DNAH9: variants seen among roughly 807,000 people sequenced by gnomAD.
DNAH9 encodes the protein DNAH9 variant protein.
DNAH9 carries 345 observed loss-of-function variants against 471.6 expected under a neutral mutation model. The ratio of observed to expected loss-of-function variants is 0.73; its 90% CI spans 0.67 to 0.80. The LOEUF (loss-of-function observed/expected upper bound fraction) is 0.80. Among genes scored for constraint, DNAH9 ranks in the 30% least tolerant of loss-of-function variants. The pLI is 0.00. For missense variants in DNAH9, 5,407 were observed against 5,609.2 expected (o/e 0.96, Z 1.15); for synonymous variants, 2,093 against 2,123.6 (o/e 0.99, Z 0.40).
rs770743103 is a variant in DNAH9 at position 11,756,742 on chromosome 17, G to A, written c.6847+66G>A. Reference sequence around the variant, plus strand: ...TAGGGAGGTACCTCTGGCTTCACACGTAGTTTTGCTGGCTCAGAAGGAATC... The same window carrying A: ...TAGGGAGGTACCTCTGGCTTCACACATAGTTTTGCTGGCTCAGAAGGAATC... On this transcript the variant is annotated intron_variant, in intron 34 of 68. Coordinates refer to ENST00000262442, the MANE Select transcript of DNAH9 (RefSeq NM_001372.4). 407 of 1,023,694 alleles carry A rather than the reference G, an allele frequency of 4.0e-4. 2 individuals are homozygous for A. The highest frequency in any genetic ancestry group is 6.2e-4 in the Middle Eastern group (3 of 4,872). 63.4% of individuals were successfully genotyped at this position (1,023,694 alleles called of 1,614,324 possible).
Position 11,962,261 on chromosome 17 carries a change from A to T in DNAH9, c.13233+5A>T, listed in dbSNP as rs373354130. The T allele has an allele frequency of 1.5e-5, 23 of 1,584,414 alleles. No homozygotes were observed. The African/African-American group carries it at 1.9e-4, about 13-fold the overall frequency. On this transcript the variant is annotated splice_donor_5th_base_variant and intron_variant, in intron 68 of 68. Coordinates refer to ENST00000262442, the MANE Select transcript of DNAH9 (RefSeq NM_001372.4). The surrounding 1 kb of genome is among the most constrained non-coding windows in gnomAD (Gnocchi z 4.1). ...GGTGCCTGCTGGGACACACAGGTAA[A>T]GCTTGGAATGAACCAAAGGGCAGCT...
At chr17:11,632,878 G>A (rs117668287) in intron 8 of DNAH9, among the ~76,000 whole-genome samples, 175 bp downstream of exon 8, 1 of 152,168 alleles carries the variant, frequency 6.6e-6, no homozygotes, top group Non-Finnish European at 1.5e-5. Flanking sequence ...TGCAGAATTG[G>A]GATTCTCAGG....
intron 50 of DNAH9, among the ~76,000 whole-genome samples, chr17:11,867,107 C>T (rs1375151913): frequency 6.6e-6 from 1 of 152,254 alleles, no homozygotes; most frequent in Non-Finnish European, 1.5e-5. Context: ...CACCCGTCTT[C>T]TGCGTCGCTA....
At chr17:11,692,936 C>T (rs964879171) in intron 20 of DNAH9, among the ~76,000 whole-genome samples, 1 of 152,074 alleles carries the variant, frequency 6.6e-6, no homozygotes. Context: ...GATGGAGTCT[C>T]GCTTTGTCAC....
chr17:11,698,389 ATT>A (rs1365435882), intron 22 of DNAH9, among the ~76,000 whole-genome samples: 1 of 54,322 alleles, frequency 1.8e-5, no homozygotes, highest in Non-Finnish European at 4.4e-5. Context: ...TACATTATAT[ATT>A]TTATATATAT....
chr17:11,828,182 A>G (rs191346530), intron 48 of DNAH9, among the ~76,000 whole-genome samples: 2 of 152,258 alleles, frequency 1.3e-5, no homozygotes, highest in Admixed American at 1.3e-4. Flanking sequence ...AATTTAGAAC[A>G]TAAATCAGAG....
At chr17:11,707,202 T>G (rs1405690576) in intron 26 of DNAH9, among the ~76,000 whole-genome samples, 1 of 152,178 alleles carries the variant, frequency 6.6e-6, no homozygotes, top group Non-Finnish European at 1.5e-5. Flanking sequence ...AAAGGAATTG[T>G]ATGTCTGAAT....
intron 67 of DNAH9, among the ~76,000 whole-genome samples, chr17:11,945,684 T>C (rs192859515): frequency 7.2e-5 from 11 of 152,146 alleles, no homozygotes; most frequent in Admixed American, 3.3e-4. Context: ...AAATTACTTA[T>C]TGGGTACAGT....
At chr17:11,775,013 C>A (rs546101700) in intron 38 of DNAH9, among the ~76,000 whole-genome samples, 1 of 152,130 alleles carries the variant, frequency 6.6e-6, no homozygotes, top group Admixed American at 6.5e-5. Flanking sequence ...CTTTGTAATC[C>A]CTTCCTCCCA....
At chr17:11,718,916 G>A (rs918510710) in intron 26 of DNAH9, among the ~76,000 whole-genome samples, 2 of 152,158 alleles carry the variant, frequency 1.3e-5, no homozygotes, top group Non-Finnish European at 2.9e-5. Flanking sequence ...CCATTAGCCA[G>A]GCAAAGATTA....
At chr17:11,826,162 G>C (rs1348610289) in intron 48 of DNAH9, among the ~76,000 whole-genome samples, 1 of 152,114 alleles carries the variant, frequency 6.6e-6, no homozygotes, top group Non-Finnish European at 1.5e-5. Context: ...CCTACTAGGG[G>C]GTGGGTCCTT....
chr17:11,832,487 G>A lies in DNAH9; in HGVS notation c.9247-2151G>A, dbSNP rs528570012. The stretch of plus-strand genomic sequence containing the variant: ...TTTGTCCCTGTAGAAATAACTCTCC[G>A]CAGCTGAACAACAGGAGATGGAAAT... On this transcript the variant is annotated intron_variant, in intron 48 of 68. Coordinates refer to ENST00000262442, the MANE Select transcript of DNAH9 (RefSeq NM_001372.4). 4.9e-4 allele frequency among the ~76,000 whole-genome samples: 75 copies of A among 152,272 alleles called. 1 individual carries two copies. Among genetic ancestry groups the A allele is most frequent in the African/African-American group, 1.7e-3 (71 of 41,544 alleles).
chr17:11,601,363 T>C (rs541070529), intron 1 of DNAH9, among the ~76,000 whole-genome samples: 10 of 28,298 alleles, frequency 3.5e-4, no homozygotes, highest in South Asian at 2.7e-3. Context: ...GAAGGGAGGG[T>C]GGGAGGGAGA....
intron 14 of DNAH9, among the ~76,000 whole-genome samples, chr17:11,662,235 T>C (rs2073780127): frequency 6.6e-6 from 1 of 152,304 alleles, no homozygotes; most frequent in South Asian, 2.1e-4. Context: ...TACTAGATTC[T>C]TTTTTAATCT....
chr17:11,643,392 G>A (rs964600490), intron 10 of DNAH9, among the ~76,000 whole-genome samples: 1 of 152,134 alleles, frequency 6.6e-6, no homozygotes, highest in South Asian at 2.1e-4. Flanking sequence ...TTCGGATCGC[G>A]TGTTCTAGAT....
At chr17:11,963,923 C>T (rs556851707) in intron 68 of DNAH9, among the ~76,000 whole-genome samples, 12 of 152,152 alleles carry the variant, frequency 7.9e-5, no homozygotes, top group Admixed American at 2.0e-4. Context: ...ATCTACAAGC[C>T]GAGGAATTCC....
chr17:11,705,910 A>G (rs1314103188), intron 26 of DNAH9, among the ~76,000 whole-genome samples: 1 of 152,166 alleles, frequency 6.6e-6, no homozygotes, highest in South Asian at 2.1e-4. Context: ...TTTACAAAAC[A>G]CAAAGAAGTA....
At chr17:11,678,095 G>A (rs59017685) in intron 17 of DNAH9, among the ~76,000 whole-genome samples, 2,050 of 151,294 alleles carry the variant, frequency 0.014, 44 homozygotes, top group African/African-American at 0.047. Context: ...TCGCTCTGTC[G>A]CCCAGGCTGG....
chr17:11,810,385 C>T lies in DNAH9; in HGVS notation c.8707+16C>T, dbSNP rs1969851264. The T allele has an allele frequency of 6.2e-7, 1 of 1,604,086 alleles. No homozygotes were observed. The highest frequency in any genetic ancestry group is 8.5e-7 in the Non-Finnish European group (1 of 1,176,330). On this transcript the variant is annotated intron_variant, in intron 45 of 68. Transcript: ENST00000262442. ...TTGGCATCTGGTAAGAGATTCCTTG[C>T]ACTTGGTGTCACTGATAAATTCCCC... is the stretch of plus-strand genomic sequence containing the variant.
Sources: allele counts gnomAD v4.1 joint callset (sites outside exome capture counted in the v4.1 genomes callset), GRCh38; gene constraint gnomAD v4.1.1; non-coding constraint Gnocchi (gnomAD v3.1); transcripts MANE v1.5; gene names NCBI Gene and HGNC (gene_info 2026-07-23, HGNC 2026-07-21).